Variants in MCTP1 observed in about 807,000 individuals in gnomAD.
The protein encoded by MCTP1 is multiple C2 and transmembrane domain containing 1, also known as multiple C2 and transmembrane domain-containing protein 1.
MCTP1 carries 69 observed loss-of-function variants against 120.6 expected under a neutral mutation model. The observed-to-expected ratio is 0.57, with a 90% CI of 0.47 to 0.70. The LOEUF (loss-of-function observed/expected upper bound fraction) is 0.70. Ranked by LOEUF, MCTP1 falls within the 30% of genes least tolerant of loss-of-function variation. MCTP1 has a pLI of 0.00. For synonymous variants in MCTP1, 529 were observed against 493.1 expected (o/e 1.07, Z -0.96); for missense variants, 1,203 against 1,248.8 (o/e 0.96, Z 0.55).
chr5:94,758,182 T>A (rs1035398393), intron 19 of MCTP1, among the ~76,000 whole-genome samples: 6 of 152,218 alleles, frequency 3.9e-5, no homozygotes, highest in African/African-American at 1.4e-4. Context: ...ACATTTGTCA[T>A]AGGTACTCAA....
chr5:95,063,203 A>G (rs565500768), intron 1 of MCTP1, among the ~76,000 whole-genome samples: 1 of 152,332 alleles, frequency 6.6e-6, no homozygotes, highest in Non-Finnish European at 1.5e-5. Flanking sequence ...TAGCTCTCCT[A>G]CAGATGAAAA....
At chr5:94,811,023 T>C (rs1403635027) in intron 17 of MCTP1, among the ~76,000 whole-genome samples, 1 of 152,210 alleles carries the variant, frequency 6.6e-6, no homozygotes, top group African/African-American at 2.4e-5. Context: ...CCATTCCGTC[T>C]TATAATTTTC....
At chr5:94,986,057 C>A (rs143798863) in intron 2 of MCTP1, among the ~76,000 whole-genome samples, 66 of 152,222 alleles carry the variant, frequency 4.3e-4, no homozygotes, top group African/African-American at 1.6e-3. Flanking sequence ...TATGAAAATA[C>A]TAAAGCTCTA....
chr5:95,030,476 G>A (rs531423238), intron 1 of MCTP1, among the ~76,000 whole-genome samples: 2 of 152,288 alleles, frequency 1.3e-5, no homozygotes, highest in African/African-American at 4.8e-5. Context: ...CCCCACAGGA[G>A]GTCATATGTT....
At chr5:95,065,563 A>T (rs1750437343) in intron 1 of MCTP1, among the ~76,000 whole-genome samples, 1 of 152,222 alleles carries the variant, frequency 6.6e-6, no homozygotes, top group East Asian at 1.9e-4. Context: ...TTCAATACTC[A>T]TTAATTTTAA....
intron 9 of MCTP1, among the ~76,000 whole-genome samples, chr5:94,909,837 T>A (rs1807972716): frequency 6.6e-6 from 1 of 152,032 alleles, no homozygotes; most frequent in South Asian, 2.1e-4. Context: ...CTGACTTGAG[T>A]ACATGAAAAA....
intron 1 of MCTP1, chr5:95,166,224 T>C (rs1746332948): frequency 6.6e-6 from 1 of 152,232 alleles, no homozygotes. Flanking sequence ...CAAAATGAAC[T>C]TAGTGTGTTT....
chr5:94,890,769 T>C (rs1366694548), intron 11 of MCTP1, among the ~76,000 whole-genome samples: 1 of 152,220 alleles, frequency 6.6e-6, no homozygotes, highest in African/African-American at 2.4e-5. Flanking sequence ...GTCTAATTAA[T>C]GGGCACAAAT....
chr5:94,964,108 A>C (rs940431414), intron 2 of MCTP1, among the ~76,000 whole-genome samples: 1 of 151,958 alleles, frequency 6.6e-6, no homozygotes, highest in African/African-American at 2.4e-5. Flanking sequence ...TGATGGATTT[A>C]TTTCTGGGCT....
At chr5:94,828,535 C>T (rs186998857) in intron 17 of MCTP1, among the ~76,000 whole-genome samples, 3 of 152,358 alleles carry the variant, frequency 2.0e-5, no homozygotes, top group East Asian at 3.9e-4. Context: ...CATTTTAAGT[C>T]TGCTTAAGCT....
intron 17 of MCTP1, among the ~76,000 whole-genome samples, chr5:94,831,311 C>T (rs1788471650): frequency 6.6e-6 from 1 of 152,128 alleles, no homozygotes; most frequent in Admixed American, 6.5e-5. Flanking sequence ...TCAAAATGGG[C>T]CTATAGATTA....
chr5:95,120,711 G>T lies in MCTP1; in HGVS notation c.721-103227C>A, dbSNP rs370817380. ...AACATAATAAAAGCCATATACATCA[G>T]ATCTATAAATAGTATAATACTGAAT... On this transcript the variant is annotated intron_variant, in intron 1 of 22. Coordinates refer to ENST00000515393, the MANE Select transcript of MCTP1 (RefSeq NM_024717.7). Among the ~76,000 whole-genome samples the T allele has an allele frequency of 2.6e-5, 4 of 152,106 alleles. No homozygotes were observed. The East Asian group carries it at 7.7e-4, about 29-fold the overall frequency.
rs377199789 is a variant in MCTP1 at position 94,956,759 on chromosome 5, T to C, written c.839-3398A>G. 8.3e-4 allele frequency among the ~76,000 whole-genome samples: 126 copies of C among 151,932 alleles called. 4 individuals are homozygous for C. The South Asian group carries it at 0.025, about 31-fold the overall frequency. ...GAATGAACAAAGCCTCCAAGAAATA[T>C]GGGACTCTGTAAAGAGACCAAACCT... On this transcript the variant is annotated intron_variant, in intron 2 of 22. Transcript: ENST00000515393.
chr5:94,868,587 T>C (rs1797253098), intron 16 of MCTP1, 135 bp from the exon 17 acceptor site: 9 of 542,526 alleles, frequency 1.7e-5, no homozygotes, highest in Non-Finnish European at 2.0e-5. Flanking sequence ...TACCAAACAA[T>C]TTGGCTCACA....
intron 1 of MCTP1, among the ~76,000 whole-genome samples, chr5:95,242,651 G>A (rs889694697): frequency 5.9e-5 from 9 of 152,066 alleles, no homozygotes; most frequent in African/African-American, 1.9e-4. Flanking sequence ...TAAAAAGGAC[G>A]TATACTTTTT....
At position 94,841,263 on chromosome 5, in the gene MCTP1, T is replaced by C. The variant is rs138234012; in HGVS notation, c.2436+27070A>G. ...AATGGTGTTGCCAAGAAAGTACTTA[T>C]GTTGACAATCTCGGATACAAGGATA... On this transcript the variant is annotated intron_variant, in intron 17 of 22. Transcript: ENST00000515393. Among the ~76,000 whole-genome samples the C allele has an allele frequency of 1.4e-3, 218 of 152,312 alleles. 1 individual carries two copies. The highest frequency in any genetic ancestry group is 4.5e-3 in the African/African-American group (187 of 41,564).
chr5:94,846,564 A>G (rs1427593404), intron 17 of MCTP1, among the ~76,000 whole-genome samples: 2 of 152,174 alleles, frequency 1.3e-5, no homozygotes, highest in Non-Finnish European at 2.9e-5. Context: ...TATGCTTACT[A>G]CCTGGGTAAT....
At chr5:95,118,069 G>A (rs756864965) in intron 1 of MCTP1, among the ~76,000 whole-genome samples, 12 of 152,124 alleles carry the variant, frequency 7.9e-5, no homozygotes, top group Admixed American at 5.2e-4. Flanking sequence ...GTTAATGCAT[G>A]TTGGGCTTAA....
chr5:95,075,336 G>A (rs888405179), intron 1 of MCTP1, among the ~76,000 whole-genome samples: 2 of 152,176 alleles, frequency 1.3e-5, no homozygotes, highest in Admixed American at 6.5e-5. Context: ...ATAAATATAA[G>A]TTAACTTCCC....
Sources: gnomAD v4.1 joint callset for allele counts (sites outside exome capture counted in the v4.1 genomes callset) on GRCh38, gnomAD v4.1.1 for gene constraint, MANE v1.5 for transcripts, NCBI Gene and HGNC (gene_info 2026-07-23, HGNC 2026-07-21) for gene names.